GRM5: variants seen among roughly 807,000 people sequenced by gnomAD.
GRM5 encodes metabotropic glutamate receptor 5.
A neutral mutation model predicts 83.1 loss-of-function variants in GRM5; 19 were observed. The observed-to-expected ratio is 0.23, with a 90% CI of 0.16 to 0.34. GRM5 has a LOEUF of 0.34. GRM5 is among the 10% of genes least tolerant of loss of function. The pLI is 1.00. For synonymous variants in GRM5, 675 were observed against 633.6 expected (o/e 1.07, Z -0.98); for missense variants, 1,160 against 1,588.3 (o/e 0.73, Z 4.58).
intron 2 of GRM5, chr11:89,009,223 A>G: frequency 1.8e-6 from 1 of 563,580 alleles, no homozygotes; most frequent in Non-Finnish European, 3.2e-6. Flanking sequence ...GCATACCAAG[A>G]TGTAATGTCA....
intron 8 of GRM5, among the ~76,000 whole-genome samples, chr11:88,566,500 A>G (rs1942877705): frequency 6.6e-6 from 1 of 152,178 alleles, no homozygotes; most frequent in Admixed American, 6.5e-5. Context: ...CTGCTTAGAC[A>G]TCTCCTAAAG....
chr11:88,939,838 A>C (rs527352364), intron 2 of GRM5, among the ~76,000 whole-genome samples: 11 of 152,000 alleles, frequency 7.2e-5, no homozygotes, highest in African/African-American at 2.4e-4. Context: ...CTAGTTGAAA[A>C]AATAAGTCAG....
chr11:88,832,595 CA>C (rs1479746174), intron 3 of GRM5, among the ~76,000 whole-genome samples: 1 of 151,414 alleles, frequency 6.6e-6, no homozygotes, highest in Non-Finnish European at 1.5e-5. Context: ...TAATATTCTT[CA>C]CAGAAAAAGA....
intron 2 of GRM5, among the ~76,000 whole-genome samples, chr11:89,003,241 G>A (rs952771882): frequency 5.9e-5 from 9 of 152,036 alleles, no homozygotes; most frequent in Non-Finnish European, 8.8e-5. Flanking sequence ...TTGCAGTTGG[G>A]GTGAGAGGAA....
chr11:88,521,490 G>C (rs1194822904), intron 9 of GRM5, among the ~76,000 whole-genome samples: 1 of 152,178 alleles, frequency 6.6e-6, no homozygotes, highest in African/African-American at 2.4e-5. Context: ...ATAACATTCA[G>C]TGTTGAGGTT....
At chr11:89,064,888 C>CTCTCTCTCTCTCTCTGTGTGTGTG (rs1218318990) in intron 1 of GRM5, among the ~76,000 whole-genome samples, 1 of 62,266 alleles carries the variant, frequency 1.6e-5, no homozygotes, top group African/African-American at 6.9e-5. Flanking sequence ...CTCTCTCTCT[C>CTCTCTCTCTCTCTCTGTGTGTGTG]TGTGTGTGTG....
chr11:88,979,307 T>C (rs565094375), intron 2 of GRM5, among the ~76,000 whole-genome samples: 32 of 152,324 alleles, frequency 2.1e-4, no homozygotes, highest in African/African-American at 7.2e-4. Context: ...GGAGGGTTTA[T>C]TGAACTTTTG....
At chr11:88,609,793 A>AT (rs769975672) in intron 4 of GRM5, among the ~76,000 whole-genome samples, 4 of 152,200 alleles carry the variant, frequency 2.6e-5, no homozygotes, top group Non-Finnish European at 5.9e-5. Context: ...GAATTTAGTC[A>AT]TAAATTCTTT....
chr11:88,526,458 C>G (rs537239373), intron 8 of GRM5, among the ~76,000 whole-genome samples: 13 of 152,156 alleles, frequency 8.5e-5, no homozygotes, highest in Non-Finnish European at 1.6e-4. Flanking sequence ...AGAGAATAAC[C>G]ACCTGTAGAG....
In GRM5 at chr11:88,505,575, C is replaced by T. The variant is rs985637217; in HGVS notation, c.*3017G>A. The T allele has an allele frequency of 2.6e-5, 4 of 152,198 alleles. No homozygotes were observed. Among genetic ancestry groups the T allele is most frequent in the Non-Finnish European group, 4.4e-5 (3 of 68,030 alleles). 9.4% of individuals were successfully genotyped at this position (152,198 alleles called of 1,614,324 possible). On this transcript the variant is annotated 3_prime_UTR_variant, in exon 10 of 10. Transcript: ENST00000305447. ...TCTTTCCATACTCCCTTTCTGTTCCCCATCCCTAGCCCAGAAAGACGGTTC... is the reference window on the plus strand; with the variant it reads ...TCTTTCCATACTCCCTTTCTGTTCCTCATCCCTAGCCCAGAAAGACGGTTC...
intron 2 of GRM5, among the ~76,000 whole-genome samples, chr11:88,985,710 TATC>T (rs1330627737): frequency 6.6e-6 from 1 of 152,184 alleles, no homozygotes; most frequent in Non-Finnish European, 1.5e-5. Flanking sequence ...TCAGTATTAT[TATC>T]ATAGCAACAC....
intron 4 of GRM5, among the ~76,000 whole-genome samples, chr11:88,619,623 G>A (rs1165817584): frequency 2.0e-5 from 3 of 152,154 alleles, no homozygotes; most frequent in Non-Finnish European, 4.4e-5. Context: ...TTCATTATGT[G>A]AGGCTAAGGA....
At chr11:88,894,812 T>C (rs1565281304) in intron 2 of GRM5, among the ~76,000 whole-genome samples, 1 of 151,908 alleles carries the variant, frequency 6.6e-6, no homozygotes, top group Non-Finnish European at 1.5e-5. Flanking sequence ...AAAACAGAAA[T>C]GAAAGAACAC....
chr11:88,803,024 T>G (rs559219557), intron 3 of GRM5, among the ~76,000 whole-genome samples: 12 of 130,134 alleles, frequency 9.2e-5, no homozygotes, highest in African/African-American at 2.9e-4. Context: ...CACTGCTCAA[T>G]GAAATAAAAG....
At chr11:88,775,405 A>AT (rs1942826317) in intron 3 of GRM5, among the ~76,000 whole-genome samples, 1 of 151,892 alleles carries the variant, frequency 6.6e-6, no homozygotes, top group Non-Finnish European at 1.5e-5. Context: ...GCATTCATTG[A>AT]TTTTTTGAAG....
At chr11:88,848,862 T>C (rs759086795) in intron 3 of GRM5, among the ~76,000 whole-genome samples, 45 of 152,192 alleles carry the variant, frequency 3.0e-4, no homozygotes, top group Admixed American at 1.3e-3. Flanking sequence ...CTAATATGGA[T>C]GGACTTCAAA....
intron 2 of GRM5, among the ~76,000 whole-genome samples, chr11:88,926,339 G>A (rs1378047013): frequency 1.3e-5 from 2 of 152,112 alleles, no homozygotes; most frequent in African/African-American, 2.4e-5. Context: ...AATTCACTGT[G>A]ATTACCACTA....
chr11:88,940,306 A>C (rs1229428892), intron 2 of GRM5, among the ~76,000 whole-genome samples: 1 of 146,358 alleles, frequency 6.8e-6, no homozygotes, highest in Non-Finnish European at 1.5e-5. Flanking sequence ...ATCTCATCCC[A>C]GGTTCATGGT....
chr11:88,560,490 G>A (rs978072864), intron 8 of GRM5, among the ~76,000 whole-genome samples: 1 of 152,122 alleles, frequency 6.6e-6, no homozygotes, highest in African/African-American at 2.4e-5. Flanking sequence ...ATGCTGCTGA[G>A]TAGGCATTCA....
Sources: gnomAD v4.1 joint callset for allele counts (sites outside exome capture counted in the v4.1 genomes callset) on GRCh38, gnomAD v4.1.1 for gene constraint, MANE v1.5 for transcripts, NCBI Gene and HGNC (gene_info 2026-07-23, HGNC 2026-07-21) for gene names.